The following STRBP variants were observed in gnomAD, a reference collection of about 807,000 sequenced individuals.
STRBP encodes the protein spermatid perinuclear RNA-binding protein.
In STRBP, 13 loss-of-function variants were observed where a neutral mutation model predicts 80.1. The ratio of observed to expected loss-of-function variants is 0.16; its 90% CI spans 0.11 to 0.26. The LOEUF is 0.26. Among genes scored for constraint, STRBP ranks in the 10% least tolerant of loss-of-function variants. The pLI, the probability that STRBP is intolerant of heterozygous loss-of-function variation, is 1.00. For missense variants in STRBP, 485 were observed against 815.2 expected (o/e 0.59, Z 4.93); for synonymous variants, 284 against 291.2 (o/e 0.98, Z 0.25).
intron 2 of STRBP, among the ~76,000 whole-genome samples, chr9:123,188,614 C>A (rs1465302322): frequency 3.3e-5 from 5 of 152,028 alleles, no homozygotes; most frequent in Non-Finnish European, 7.4e-5. Context: ...TGCACTCCAG[C>A]CTGAGTGACA....
chr9:123,223,933 G>C (rs1196838834), intron 2 of STRBP, among the ~76,000 whole-genome samples: 5 of 152,154 alleles, frequency 3.3e-5, no homozygotes, highest in Admixed American at 3.3e-4. Context: ...AAAGGTGCTA[G>C]AGTAGAGCAA....
intron 2 of STRBP, among the ~76,000 whole-genome samples, chr9:123,203,271 G>A (rs573729217): frequency 9.2e-5 from 14 of 151,464 alleles, no homozygotes; most frequent in African/African-American, 2.2e-4. Flanking sequence ...ACTTGAGCCC[G>A]GAAGTTTGAG....
Position 123,115,735 on chromosome 9 carries a change from CG to C in STRBP, c.*84+193del. ...ACATTCCACAGCATTTCCTCTTTGC[CG>C]TCCACACAACCGGCTTCTTGCTTGA... On this transcript the variant is annotated intron_variant and NMD_transcript_variant, in intron 3 of 3. Coordinates refer to the STRBP transcript ENST00000471564. This position sits in a 1 kb window ranked among gnomAD's most constrained non-coding sequence, Gnocchi z 5.0. 6.0e-6 allele frequency: 2 copies of C among 334,702 alleles called. No individual in the cohort carries two copies. Among genetic ancestry groups the C allele is most frequent in the Non-Finnish European group, 1.2e-5 (2 of 170,090 alleles). The allele number at this position is 334,702 out of a possible 1,614,324, so 20.7% of individuals were successfully genotyped here. A position where few individuals can be genotyped will look rare whatever the true frequency, so the allele number is the denominator to read the frequency against.
At chr9:123,186,287 G>GC (rs1454803920) in intron 2 of STRBP, among the ~76,000 whole-genome samples, 11 of 152,204 alleles carry the variant, frequency 7.2e-5, no homozygotes, top group African/African-American at 2.4e-4. Context: ...GGGTGGGGCT[G>GC]CAGTGAGCCA....
At chr9:123,211,997 T>C (rs1477342174) in intron 2 of STRBP, among the ~76,000 whole-genome samples, 1 of 152,174 alleles carries the variant, frequency 6.6e-6, no homozygotes, top group African/African-American at 2.4e-5. Flanking sequence ...AAAAGAACCT[T>C]CTTACTCCTG....
At chr9:123,160,311 A>T in intron 8 of STRBP, 56 bp downstream of exon 8, 6 of 1,298,488 alleles carry the variant, frequency 4.6e-6, no homozygotes, top group Non-Finnish European at 6.4e-6. Flanking sequence ...TCATTTCTAC[A>T]GGATTTTCTC....
intron 2 of STRBP, among the ~76,000 whole-genome samples, chr9:123,188,231 T>C (rs556927089): frequency 6.6e-6 from 1 of 152,336 alleles, no homozygotes; most frequent in South Asian, 2.1e-4. Flanking sequence ...TAATATTCTG[T>C]TGTATGGATA....
chr9:123,173,508 A>C (rs1336192154), intron 5 of STRBP, among the ~76,000 whole-genome samples, 169 bp downstream of exon 5: 1 of 152,196 alleles, frequency 6.6e-6, no homozygotes, highest in African/African-American at 2.4e-5. Context: ...AATCACCAGA[A>C]GTTTGCTTTA....
At chr9:123,142,993 G>C (rs944722312) in intron 13 of STRBP, among the ~76,000 whole-genome samples, 3 of 152,164 alleles carry the variant, frequency 2.0e-5, no homozygotes, top group Non-Finnish European at 4.4e-5. Flanking sequence ...AGAGGGCAGA[G>C]GTTAGGAAAG....
At chr9:123,145,092 G>A (rs1169570982) in intron 13 of STRBP, among the ~76,000 whole-genome samples, 1 of 152,064 alleles carries the variant, frequency 6.6e-6, no homozygotes, top group Non-Finnish European at 1.5e-5. Context: ...TGCTACTCAA[G>A]GTAAATAAAA....
intron 1 of STRBP, among the ~76,000 whole-genome samples, chr9:123,253,187 T>A (rs2040952300): frequency 6.6e-6 from 1 of 152,126 alleles, no homozygotes; most frequent in Non-Finnish European, 1.5e-5. Flanking sequence ...TAAAGACTCA[T>A]TAAAAGAGAA....
At chr9:123,216,858 A>T (rs2039915611) in intron 2 of STRBP, among the ~76,000 whole-genome samples, 2 of 152,198 alleles carry the variant, frequency 1.3e-5, no homozygotes, top group Admixed American at 1.3e-4. Context: ...AATGTGATAC[A>T]ATCAGTCTCT....
At chr9:123,236,221 G>C (rs1441975646) in intron 2 of STRBP, among the ~76,000 whole-genome samples, 3 of 152,092 alleles carry the variant, frequency 2.0e-5, no homozygotes, top group South Asian at 2.1e-4. Context: ...AAAATTATTG[G>C]TGAAATTATA....
rs748380333 is a variant in STRBP, at chr9:123,126,557, AT to A, written c.1943-885del. ...TCAGAGGGCACAGGGTGAAAGTATAATGTTAAAGGAGGAAAGGGAGGAACAA... is the reference window on the plus strand; with the variant it reads ...TCAGAGGGCACAGGGTGAAAGTATAAGTTAAAGGAGGAAAGGGAGGAACAA... On this transcript the variant is annotated intron_variant, in intron 18 of 18. Coordinates refer to ENST00000348403, the MANE Select transcript of STRBP (RefSeq NM_018387.5). This position sits in a 1 kb window ranked among gnomAD's most constrained non-coding sequence, Gnocchi z 4.4. Among the ~76,000 whole-genome samples, 296 of 152,294 alleles carry A rather than the reference AT, an allele frequency of 1.9e-3. 3 individuals are homozygous for A. The highest frequency in any genetic ancestry group is 2.5e-3 in the Non-Finnish European group (170 of 68,024).
intron 1 of STRBP, among the ~76,000 whole-genome samples, chr9:123,252,282 C>A (rs1055629433): frequency 6.6e-6 from 1 of 152,220 alleles, no homozygotes; most frequent in Non-Finnish European, 1.5e-5. Context: ...CATTTGAACA[C>A]AATTCACTAT....
intron 6 of STRBP, chr9:123,168,052 A>G (rs1305280436): frequency 2.5e-5 from 5 of 200,380 alleles, no homozygotes; most frequent in African/African-American, 1.2e-4. Context: ...GCAAACATGT[A>G]ATTAACTTAG....
downstream of STRBP, among the ~76,000 whole-genome samples, chr9:123,120,271 G>A (rs940453937): frequency 9.9e-5 from 15 of 151,128 alleles, no homozygotes; most frequent in African/African-American, 3.4e-4. Context: ...ACAGCATGGC[G>A]TCAGACTGTA....
At chr9:123,168,083 T>C (rs1181632419) in intron 6 of STRBP, 1 of 375,990 alleles carries the variant, frequency 2.7e-6, no homozygotes, top group African/African-American at 2.2e-5. Flanking sequence ...CTTCAGTCTT[T>C]TTCTCATCTC....
Position 123,115,493 on chromosome 9 carries a change from C to G in STRBP, c.*84+436G>C. 1 of 410,630 alleles carries G rather than the reference C, an allele frequency of 2.4e-6. No homozygotes were observed. Among genetic ancestry groups the G allele is most frequent in the South Asian group, 1.8e-5 (1 of 54,272 alleles). The allele number at this position is 410,630 out of a possible 1,614,324, so 25.4% of individuals were successfully genotyped here. A position where few individuals can be genotyped will look rare whatever the true frequency, so the allele number is the denominator to read the frequency against. On this transcript the variant is annotated intron_variant and NMD_transcript_variant, in intron 3 of 3. Coordinates refer to the STRBP transcript ENST00000471564. The surrounding 1 kb of genome is among the most constrained non-coding windows in gnomAD (Gnocchi z 5.0). ...CCTCTGCACCTCTTTCTTCCCCTCC[C>G]TGTACTCTCCATCTGGGTCAATGAT...
Sources: allele counts gnomAD v4.1 joint callset (sites outside exome capture counted in the v4.1 genomes callset), GRCh38; gene constraint gnomAD v4.1.1; non-coding constraint Gnocchi (gnomAD v3.1); transcripts MANE v1.5; gene names NCBI Gene and HGNC (gene_info 2026-07-23, HGNC 2026-07-21).